UNC13C: variants seen among roughly 807,000 people sequenced by gnomAD.
The protein encoded by UNC13C is unc-13 homolog C.
In UNC13C, 174 loss-of-function variants were observed where a neutral mutation model predicts 245.4. That is an observed-to-expected ratio of 0.71 (90% CI 0.63 to 0.80). The LOEUF (loss-of-function observed/expected upper bound fraction) is 0.80. UNC13C is among the 30% of genes least tolerant of loss of function. The pLI is 0.00. For missense variants in UNC13C, 2,829 were observed against 2,602.9 expected (o/e 1.09, Z -1.89); for synonymous variants, 992 against 895.1 (o/e 1.11, Z -1.93).
the UNC13C span, among the ~76,000 whole-genome samples, chr15:53,938,481 C>T: frequency 2.6e-5 from 4 of 152,104 alleles, no homozygotes; most frequent in African/African-American, 9.7e-5. Flanking sequence ...ATAATCAGGA[C>T]CTGAACTGAG....
intron 19 of UNC13C, among the ~76,000 whole-genome samples, chr15:54,437,778 G>A (rs1282415826): frequency 6.6e-6 from 1 of 151,888 alleles, no homozygotes; most frequent in Admixed American, 6.6e-5. Flanking sequence ...TATATGCAGA[G>A]TATATCCAGT....
chr15:54,201,424 T>G (rs914205997), intron 4 of UNC13C, among the ~76,000 whole-genome samples: 4 of 151,562 alleles, frequency 2.6e-5, no homozygotes, highest in African/African-American at 9.7e-5. Context: ...AACAAAATAA[T>G]AGGGAATAAA....
At chr15:54,612,575 G>C (rs1162213095) in intron 30 of UNC13C, among the ~76,000 whole-genome samples, 1 of 151,864 alleles carries the variant, frequency 6.6e-6, no homozygotes, top group African/African-American at 2.4e-5. Flanking sequence ...TTCCCCAATA[G>C]TAAAAACTCC....
chr15:54,175,508 A>ATTTTTTTTTTTTTTTTTTTT lies in UNC13C; in HGVS notation c.3071+31827_3071+31846dup, dbSNP rs55925649. Among the ~76,000 whole-genome samples, 81 of 105,968 alleles carry ATTTTTTTTTTTTTTTTTTTT rather than the reference A, an allele frequency of 7.6e-4. 4 individuals carry two copies. The East Asian group carries it at 8.9e-3, about 12-fold the overall frequency. 69.5% of individuals were successfully genotyped at this position (105,968 alleles called of 152,430 possible). ...AAAACACTGTTGTTGTGGCCCTAGA[A>ATTTTTTTTTTTTTTTTTTTT]TTTTTTTTTTTTTTTTTTTTTTGAG... On this transcript the variant is annotated intron_variant, in intron 4 of 32. Transcript: ENST00000260323.
chr15:53,919,303 G>A, the UNC13C span, among the ~76,000 whole-genome samples: 135 of 152,308 alleles, frequency 8.9e-4, 1 homozygote, highest in African/African-American at 3.1e-3. Flanking sequence ...GGTATGCTCA[G>A]TGATGTGTCT....
Position 54,250,248 on chromosome 15 carries a change from C to A in UNC13C, c.3252C>A (p.Thr1084=). The change falls in exon 8 of 33, where the codon ACC becomes ACA. Residue 1084 remains threonine (T), a synonymous_variant. Transcript: ENST00000260323. ...AGAAAATGCACGTCTTCAAGAAGACCTTGCAGGCACTGATCTACCCTATGT... is the reference window on the plus strand; with the variant it reads ...AGAAAATGCACGTCTTCAAGAAGACATTGCAGGCACTGATCTACCCTATGT... ...EELKMHVFKK[T]LQALIYPMSS... 3 of 1,613,926 alleles carry A rather than the reference C, an allele frequency of 1.9e-6. No homozygotes were observed. The highest frequency in any genetic ancestry group is 2.2e-5 in the South Asian group (2 of 91,078).
intron 19 of UNC13C, among the ~76,000 whole-genome samples, chr15:54,441,874 G>A (rs568018695): frequency 9.2e-5 from 14 of 151,952 alleles, no homozygotes; most frequent in Admixed American, 5.2e-4. Context: ...TCAGTGTTTT[G>A]TAGTTTTCAT....
the UNC13C span, among the ~76,000 whole-genome samples, chr15:53,854,122 G>GTTTTTTTGC: frequency 2.0e-4 from 27 of 133,572 alleles, 1 homozygote; most frequent in Non-Finnish European, 4.3e-4. Context: ...GTTTTTATAG[G>GTTTTTTTGC]TTTTTTTTTT....
chr15:53,980,614 T>C (rs1893888483), intron 1 of UNC13C, among the ~76,000 whole-genome samples: 1 of 152,188 alleles, frequency 6.6e-6, no homozygotes, highest in African/African-American at 2.4e-5. Flanking sequence ...GAATTGCCAA[T>C]GTTTTTTCAG....
chr15:54,463,388 A>G (rs1399943783), intron 19 of UNC13C, among the ~76,000 whole-genome samples: 4 of 149,692 alleles, frequency 2.7e-5, no homozygotes, highest in Non-Finnish European at 4.4e-5. Context: ...CTTTGCAGTA[A>G]ATCTTACTGC....
chr15:53,897,649 A>G, the UNC13C span, among the ~76,000 whole-genome samples: 2 of 152,226 alleles, frequency 1.3e-5, no homozygotes, highest in African/African-American at 4.8e-5. Context: ...ACACTGTTAT[A>G]GCATCATCTA....
chr15:53,894,698 G>C, the UNC13C span, among the ~76,000 whole-genome samples: 1 of 152,218 alleles, frequency 6.6e-6, no homozygotes, highest in South Asian at 2.1e-4. Context: ...TGTCACTTTG[G>C]TTGGGTTTTG....
chr15:54,083,823 A>T (rs1040317346), intron 2 of UNC13C, among the ~76,000 whole-genome samples: 3 of 152,122 alleles, frequency 2.0e-5, no homozygotes, highest in Non-Finnish European at 4.4e-5. Flanking sequence ...CTGCTGGTGC[A>T]TCGTCTTGGG....
At chr15:53,969,708 G>T in the UNC13C span, among the ~76,000 whole-genome samples, 1 of 142,970 alleles carries the variant, frequency 7.0e-6, no homozygotes, top group Non-Finnish European at 1.5e-5. Context: ...AAAAAAAATC[G>T]AACGAACAAA....
chr15:54,482,916 AC>A (rs1405042050), intron 19 of UNC13C, among the ~76,000 whole-genome samples: 6 of 152,266 alleles, frequency 3.9e-5, no homozygotes, highest in Non-Finnish European at 7.4e-5. Context: ...TTATCCTCTA[AC>A]TTTTTAATGA....
chr15:54,529,096 G>A (rs924416998), intron 25 of UNC13C, among the ~76,000 whole-genome samples: 2 of 152,306 alleles, frequency 1.3e-5, no homozygotes, highest in African/African-American at 2.4e-5. Flanking sequence ...AAAGGGGCCA[G>A]CTGAGATGCA....
chr15:53,935,583 A>G, the UNC13C span, among the ~76,000 whole-genome samples: 4 of 152,296 alleles, frequency 2.6e-5, no homozygotes, highest in African/African-American at 9.6e-5. Context: ...GAGAATGAAA[A>G]TGGCGAGTTA....
chr15:53,951,821 A>T, the UNC13C span, among the ~76,000 whole-genome samples: 1 of 152,162 alleles, frequency 6.6e-6, no homozygotes. Flanking sequence ...TCCTCCTAGG[A>T]CATTTATCTT....
chr15:54,034,209 C>T (rs1198627182), intron 2 of UNC13C, among the ~76,000 whole-genome samples: 1 of 152,170 alleles, frequency 6.6e-6, no homozygotes, highest in African/African-American at 2.4e-5. Context: ...TTGCTCACTC[C>T]CTGTTTTGGT....
Sources: gnomAD v4.1 joint callset for allele counts (sites outside exome capture counted in the v4.1 genomes callset) on GRCh38, gnomAD v4.1.1 for gene constraint, MANE v1.5 for transcripts, NCBI Gene and HGNC (gene_info 2026-07-23, HGNC 2026-07-21) for gene names.